The following DPP10 variants were observed in gnomAD, a reference collection of about 807,000 sequenced individuals.
DPP10 encodes the protein inactive dipeptidyl peptidase 10.
DPP10 carries 33 observed loss-of-function variants against 120.9 expected under a neutral mutation model. The ratio of observed to expected loss-of-function variants is 0.27; its 90% confidence interval spans 0.21 to 0.37. The LOEUF is 0.37. Ranked by LOEUF, DPP10 falls within the 10% of genes least tolerant of loss-of-function variation. The probability of loss-of-function intolerance (pLI) is 1.00; values close to 1 mark genes in which losing one functional copy is unlikely to be tolerated. For synonymous variants in DPP10, 337 were observed against 326.1 expected (o/e 1.03, Z -0.36); for missense variants, 816 against 942.8 (o/e 0.87, Z 1.76).
chr2:115,593,321 G>A (rs962975047), intron 5 of DPP10, among the ~76,000 whole-genome samples: 11 of 152,132 alleles, frequency 7.2e-5, no homozygotes, highest in Admixed American at 6.5e-4. Flanking sequence ...AGCTTTTCTA[G>A]AGTTTCTAGG....
chr2:115,141,571 T>TG (rs1431115137), intron 1 of DPP10, among the ~76,000 whole-genome samples: 3 of 152,274 alleles, frequency 2.0e-5, no homozygotes, highest in African/African-American at 7.2e-5. Context: ...TGGTATGAGA[T>TG]GGGGTACATA....
intron 1 of DPP10, among the ~76,000 whole-genome samples, chr2:114,637,509 T>C (rs1695384797): frequency 6.6e-6 from 1 of 151,896 alleles, no homozygotes; most frequent in Admixed American, 6.6e-5. Flanking sequence ...CTTGTCAGTT[T>C]TTGTTTTTGT....
intron 1 of DPP10, among the ~76,000 whole-genome samples, chr2:114,919,341 T>C (rs1376170609): frequency 6.6e-6 from 1 of 152,188 alleles, no homozygotes; most frequent in African/African-American, 2.4e-5. Context: ...ATGTTATGCT[T>C]CCTAAACGAC....
intron 1 of DPP10, among the ~76,000 whole-genome samples, chr2:114,665,416 T>G (rs181909418): frequency 6.6e-6 from 1 of 152,308 alleles, no homozygotes; most frequent in African/African-American, 2.4e-5. Context: ...TTATCATTTT[T>G]TTTCTTGTAA....
intron 1 of DPP10, among the ~76,000 whole-genome samples, chr2:114,712,078 G>A (rs984376697): frequency 1.3e-5 from 2 of 152,112 alleles, no homozygotes; most frequent in East Asian, 3.9e-4. Context: ...CCAGCACTAT[G>A]GGAGGCCAAG....
At chr2:114,535,592 C>A in intron 1 of DPP10, among the ~76,000 whole-genome samples, 1 of 152,302 alleles carries the variant, frequency 6.6e-6, no homozygotes, top group South Asian at 2.1e-4. Context: ...ATGCTACGAG[C>A]CCCTTATCCA....
At chr2:115,353,548 G>A (rs1389421659) in intron 3 of DPP10, among the ~76,000 whole-genome samples, 1 of 152,050 alleles carries the variant, frequency 6.6e-6, no homozygotes, top group Non-Finnish European at 1.5e-5. Context: ...TGTGGGAATG[G>A]GAGTTGTTAG....
At chr2:115,633,672 C>A (rs570673863) in intron 5 of DPP10, among the ~76,000 whole-genome samples, 16 of 152,042 alleles carry the variant, frequency 1.1e-4, no homozygotes, top group Non-Finnish European at 2.2e-4. Flanking sequence ...GACAGGCTTC[C>A]CTTTATAGGT....
At chr2:114,672,337 A>G (rs1017065153) in intron 1 of DPP10, among the ~76,000 whole-genome samples, 2 of 152,152 alleles carry the variant, frequency 1.3e-5, no homozygotes, top group Non-Finnish European at 2.9e-5. Context: ...TCTTTCTGCA[A>G]GTTATCCCTT....
chr2:115,764,319 T>C (rs1289731606), intron 12 of DPP10, among the ~76,000 whole-genome samples: 1 of 152,120 alleles, frequency 6.6e-6, no homozygotes, highest in African/African-American at 2.4e-5. Context: ...GGTAGATGGA[T>C]AGACACAGAT....
intron 1 of DPP10, among the ~76,000 whole-genome samples, chr2:114,788,500 C>G (rs997094447): frequency 5.3e-5 from 8 of 151,290 alleles, no homozygotes; most frequent in Admixed American, 1.3e-4. Context: ...ACTGCAACTT[C>G]TGCCTCCTGA....
intron 3 of DPP10, among the ~76,000 whole-genome samples, chr2:115,412,987 T>C (rs976935551): frequency 6.6e-6 from 1 of 152,166 alleles, no homozygotes; most frequent in Non-Finnish European, 1.5e-5. Context: ...AATACTAATA[T>C]TATCAAGTGT....
At chr2:115,377,699 G>A (rs954781721) in intron 3 of DPP10, among the ~76,000 whole-genome samples, 2 of 152,046 alleles carry the variant, frequency 1.3e-5, no homozygotes, top group South Asian at 2.1e-4. Flanking sequence ...TATCGTTTAA[G>A]TCTTTAATCC....
intron 1 of DPP10, among the ~76,000 whole-genome samples, chr2:115,045,707 GCTT>G (rs555813432): frequency 1.5e-3 from 233 of 152,220 alleles, no homozygotes; most frequent in African/African-American, 5.2e-3. Flanking sequence ...CCTCTTCCAT[GCTT>G]CTTTTCTTGA....
chr2:114,943,103 T>C (rs1317378517), intron 1 of DPP10, among the ~76,000 whole-genome samples: 1 of 152,132 alleles, frequency 6.6e-6, no homozygotes, highest in African/African-American at 2.4e-5. Flanking sequence ...CCTGTGTCCA[T>C]GTGTTCTCAT....
chr2:115,769,712 G>C (rs1681225784), intron 13 of DPP10, among the ~76,000 whole-genome samples: 1 of 151,684 alleles, frequency 6.6e-6, no homozygotes, highest in African/African-American at 2.4e-5. Flanking sequence ...TTTATATCTA[G>C]CTATTAAAAT....
chr2:115,440,566 C>T (rs536816117), intron 3 of DPP10, among the ~76,000 whole-genome samples: 5 of 152,148 alleles, frequency 3.3e-5, no homozygotes, highest in Non-Finnish European at 7.3e-5. Flanking sequence ...GCCAAAGAGA[C>T]GGCTAACGCT....
chr2:114,819,194 T>C (rs1488955326), intron 1 of DPP10, among the ~76,000 whole-genome samples: 2 of 151,808 alleles, frequency 1.3e-5, no homozygotes, highest in African/African-American at 4.9e-5. Context: ...TTATTGGAAC[T>C]TACTAAGCTT....
intron 7 of DPP10, among the ~76,000 whole-genome samples, chr2:115,701,936 C>G (rs2091907684): frequency 6.6e-6 from 1 of 151,886 alleles, no homozygotes; most frequent in African/African-American, 2.4e-5. Flanking sequence ...GTAAACACAA[C>G]TGAATATAGA....
Sources: allele counts gnomAD v4.1 joint callset (sites outside exome capture counted in the v4.1 genomes callset), GRCh38; gene constraint gnomAD v4.1.1; transcripts MANE v1.5; gene names NCBI Gene and HGNC (gene_info 2026-07-23, HGNC 2026-07-21).